Variants in ITGA1 observed in about 807,000 individuals in gnomAD.
ITGA1 encodes the protein integrin subunit alpha 1.
Under a neutral mutation model 145.9 loss-of-function variants are expected in ITGA1, and 85 were observed. The ratio of observed to expected loss-of-function variants is 0.58; its 90% CI spans 0.49 to 0.70. The LOEUF is 0.70. Ranked by LOEUF, ITGA1 falls within the 30% of genes least tolerant of loss-of-function variation. ITGA1 has a pLI of 0.00. For synonymous variants in ITGA1, 520 were observed against 495.3 expected, an observed-to-expected ratio of 1.05 and a Z score of -0.66; for missense variants, 1,351 against 1,418.7, an observed-to-expected ratio of 0.95 and a Z score of 0.77.
chr5:52,874,063 GAA>G (rs148889119), intron 6 of ITGA1, among the ~76,000 whole-genome samples: 5 of 141,798 alleles, frequency 3.5e-5, no homozygotes, highest in African/African-American at 1.0e-4. Flanking sequence ...TAGACAATTT[GAA>G]AAAAAAAAAA....
intron 1 of ITGA1, among the ~76,000 whole-genome samples, chr5:52,846,064 G>T (rs924894674): frequency 6.6e-6 from 1 of 152,060 alleles, no homozygotes; most frequent in Admixed American, 6.6e-5. Context: ...CTAGGCTACA[G>T]ACCTCTACAA....
chr5:52,909,015 A>G lies in ITGA1; in HGVS notation c.1573A>G (p.Lys525Glu), dbSNP rs753941802. ...GGGAACAGAGAAGGAGGAGCAAGGA[A>G]AAGTGTATGTGTATGCTCTCAATCA... is the stretch of plus-strand genomic sequence containing the variant. ...YMGTEKEEQG[K>E]VYVYALNQTR... Residue 525 changes from lysine to glutamate, a missense_variant, in exon 13 of 29, where the codon AAA (lysine) becomes GAA (glutamate). Coordinates refer to ENST00000282588, the MANE Select transcript of ITGA1 (RefSeq NM_181501.2). 6 of 1,613,798 alleles carry G rather than the reference A, an allele frequency of 3.7e-6. No individual in the cohort carries two copies. Among genetic ancestry groups the G allele is most frequent in the Non-Finnish European group, 1.7e-6 (2 of 1,179,862 alleles).
intron 1 of ITGA1, among the ~76,000 whole-genome samples, chr5:52,804,605 C>G (rs3811979): frequency 0.26 from 39,118 of 152,020 alleles, 5,372 homozygotes; most frequent in Non-Finnish European, 0.3. Context: ...CTGACTAATT[C>G]TCTTAACCTC....
chr5:52,790,139 C>A (rs1224271721), intron 1 of ITGA1, among the ~76,000 whole-genome samples: 2 of 152,200 alleles, frequency 1.3e-5, no homozygotes, highest in East Asian at 1.9e-4. Context: ...GGGGACTCAT[C>A]ACCATACTTA....
intron 1 of ITGA1, among the ~76,000 whole-genome samples, chr5:52,793,789 CA>C (rs1748287197): frequency 6.6e-6 from 1 of 151,964 alleles, no homozygotes; most frequent in African/African-American, 2.4e-5. Flanking sequence ...ATCCCAAAAA[CA>C]GAGCTCCCTC....
intron 1 of ITGA1, among the ~76,000 whole-genome samples, chr5:52,826,790 A>G (rs1748973787): frequency 6.6e-6 from 1 of 152,174 alleles, no homozygotes; most frequent in Non-Finnish European, 1.5e-5. Context: ...CATTGTTGAG[A>G]TTTACTGCTG....
At chr5:52,813,925 A>G (rs555799434) in intron 1 of ITGA1, among the ~76,000 whole-genome samples, 1 of 152,314 alleles carries the variant, frequency 6.6e-6, no homozygotes, top group East Asian at 1.9e-4. Flanking sequence ...TTGCATTGGT[A>G]TTAGGGGAAC....
intron 22 of ITGA1, 53 bp downstream of exon 22, chr5:52,932,189 C>A: frequency 8.6e-7 from 1 of 1,157,152 alleles, no homozygotes; most frequent in Non-Finnish European, 1.3e-6. Context: ...CCCAGTGGTT[C>A]TGAAAGTGTG....
chr5:52,911,155 A>G (rs867681981), intron 14 of ITGA1, among the ~76,000 whole-genome samples: 41 of 137,094 alleles, frequency 3.0e-4, no homozygotes, highest in Admixed American at 6.9e-4. Context: ...TAGTGTATAT[A>G]TAGTGTATAT....
intron 15 of ITGA1, among the ~76,000 whole-genome samples, chr5:52,917,506 A>T (rs183077766): frequency 6.6e-6 from 1 of 152,304 alleles, no homozygotes; most frequent in South Asian, 2.1e-4. Context: ...TAAATATCCA[A>T]TGAGATGGGA....
chr5:52,935,833 C>T (rs554080040), intron 23 of ITGA1, among the ~76,000 whole-genome samples: 2 of 152,148 alleles, frequency 1.3e-5, no homozygotes, highest in South Asian at 2.1e-4. Flanking sequence ...GGACAGGTAA[C>T]CTACACTAAA....
chr5:52,920,445 A>C lies in ITGA1; in HGVS notation c.2269A>C (p.Thr757Pro). ...CATCACAGTTCGAAAATCAGAATGCACTAAGCACTCCTTCTACATGTTGGC... is the reference window on the plus strand; with the variant it reads ...CATCACAGTTCGAAAATCAGAATGCCCTAAGCACTCCTTCTACATGTTGGC... ...RNITVRKSECTKHSFYMLDKH... is the reference protein window; with the variant it reads ...RNITVRKSECPKHSFYMLDKH... The change falls in exon 17 of 29, where the codon ACT becomes CCT. Residue 757 changes from threonine (T) to proline (P), a missense_variant. Transcript: ENST00000282588. 1 of 1,606,882 alleles carries C rather than the reference A, an allele frequency of 6.2e-7. No individual in the cohort carries two copies. Among genetic ancestry groups the C allele is most frequent in the Non-Finnish European group, 8.5e-7 (1 of 1,177,458 alleles).
rs745759434 is a variant in ITGA1 at position 52,933,919 on chromosome 5, A to G, written c.2887A>G (p.Ile963Val). The part of the protein sequence containing the change: ...YSSASEYHIS[I>V]AANETVPEVI... ...CTCTGCAAGTGAATACCACATTTCA[A>G]TTGCTGCCAATGAGACAGTCCCTGA... The change falls in exon 23 of 29, where the codon ATT (isoleucine) becomes GTT (valine). Residue 963 changes from isoleucine (I) to valine (V), a missense_variant. Coordinates refer to ENST00000282588, the MANE Select transcript of ITGA1 (RefSeq NM_181501.2). 15 of 1,529,852 alleles carry G rather than the reference A, an allele frequency of 9.8e-6. No homozygotes were observed. Among genetic ancestry groups the G allele is most frequent in the Admixed American group, 7.7e-5 (4 of 52,008 alleles). The allele number at this position is 1,529,852 out of a possible 1,614,324, so 94.8% of individuals were successfully genotyped here. A position where few individuals can be genotyped will look rare whatever the true frequency, so the allele number is the denominator to read the frequency against.
chr5:52,812,786 T>G (rs1748702108), intron 1 of ITGA1, among the ~76,000 whole-genome samples: 1 of 141,678 alleles, frequency 7.1e-6, no homozygotes, highest in African/African-American at 2.6e-5. Context: ...TTCCTTCTTA[T>G]CGCTTTTTTT....
At chr5:52,947,483 A>T in intron 28 of ITGA1, 22 bp downstream of exon 28, 1 of 1,375,074 alleles carries the variant, frequency 7.3e-7, no homozygotes, top group South Asian at 1.2e-5. Flanking sequence ...AATTCCTTTG[A>T]CTCTCTACTT....
intron 1 of ITGA1, chr5:52,801,255 A>G (rs1054158932): frequency 3.0e-5 from 35 of 1,151,490 alleles, no homozygotes; most frequent in Non-Finnish European, 4.1e-5. Flanking sequence ...ATAATGAAAT[A>G]AAAAGAGAAT....
chr5:52,817,257 C>T (rs1748791770), intron 1 of ITGA1, among the ~76,000 whole-genome samples: 1 of 151,954 alleles, frequency 6.6e-6, no homozygotes, highest in Admixed American at 6.6e-5. Context: ...AGGAAGTGTC[C>T]CAGGCTTGGT....
chr5:52,826,485 T>C (rs1030534625), intron 1 of ITGA1, among the ~76,000 whole-genome samples: 19 of 152,236 alleles, frequency 1.2e-4, no homozygotes, highest in South Asian at 4.1e-4. Context: ...TAAAAGTAGC[T>C]ACACTGAACA....
At chr5:52,881,786 A>G (rs1579695083) in intron 6 of ITGA1, 87 bp from the exon 7 acceptor site, 1 of 1,257,208 alleles carries the variant, frequency 8.0e-7, no homozygotes, top group East Asian at 2.3e-5. Flanking sequence ...TCTGAAATGT[A>G]TTATATCTGA....
Sources: gnomAD v4.1 joint callset for allele counts (sites outside exome capture counted in the v4.1 genomes callset) on GRCh38, gnomAD v4.1.1 for gene constraint, MANE v1.5 for transcripts, NCBI Gene and HGNC (gene_info 2026-07-23, HGNC 2026-07-21) for gene names.